Variants in SOD2 observed in about 807,000 individuals in gnomAD.
SOD2 encodes the protein superoxide dismutase 2.
A neutral mutation model predicts 27.0 loss-of-function variants in SOD2; 11 were observed. The observed-to-expected ratio is 0.41, with a 90% CI of 0.26 to 0.67. The LOEUF (loss-of-function observed/expected upper bound fraction) is 0.67. SOD2 is among the 30% of genes least tolerant of loss of function. SOD2 has a pLI of 0.34. For synonymous variants in SOD2, 105 were observed against 103.0 expected (o/e 1.02, Z -0.12); for missense variants, 250 against 274.5 (o/e 0.91, Z 0.63).
rs1562452316 is a variant in SOD2, at chr6:159,732,884, A to AGTGTGTGTG, written c.-116+12245_-116+12246insCACACACAC. ...TCTCTCTCTCTCTCTGTATATATAT[A>AGTGTGTGTG]TAGTGTGTGTGTGTGTGTGTGTGTG... is the stretch of plus-strand genomic sequence containing the variant. On this transcript the variant is annotated intron_variant, in intron 1 of 3. Coordinates refer to the SOD2 transcript ENST00000537657. Among the ~76,000 whole-genome samples the AGTGTGTGTG allele has an allele frequency of 3.6e-5, 3 of 83,486 alleles. No homozygotes were observed. The East Asian group carries it at 1.1e-3, about 29-fold the overall frequency. 54.8% of individuals were successfully genotyped at this position (83,486 alleles called of 152,430 possible).
chr6:159,696,070 T>A (rs1213815095), upstream of SOD2, among the ~76,000 whole-genome samples: 2 of 152,210 alleles, frequency 1.3e-5, no homozygotes, highest in Admixed American at 1.3e-4. Flanking sequence ...ATTAACTGCA[T>A]TCATATTCCA....
At chr6:159,710,266 A>AATAC (rs1315453476) in intron 1 of SOD2, among the ~76,000 whole-genome samples, 2 of 71,862 alleles carry the variant, frequency 2.8e-5, no homozygotes, top group East Asian at 2.7e-4. Flanking sequence ...TTAAAGTATA[A>AATAC]ATACATATAT....
At chr6:159,726,395 T>C (rs1462845975) in intron 1 of SOD2, 1 of 162,148 alleles carries the variant, frequency 6.2e-6, no homozygotes, top group Non-Finnish European at 1.4e-5. Flanking sequence ...GGAAATATAC[T>C]ACGACCATCT....
At position 159,685,038 on chromosome 6, in the gene SOD2, TAA is replaced by T. The variant is rs374399885; in HGVS notation, c.344-7_344-6del. 2.1e-6 allele frequency: 3 copies of T among 1,403,818 alleles called. No homozygotes were observed. Among genetic ancestry groups the T allele is most frequent in the Admixed American group, 2.2e-5 (1 of 45,192 alleles). 87.0% of individuals were successfully genotyped at this position (1,403,818 alleles called of 1,614,324 possible). On this transcript the variant is annotated splice_polypyrimidine_tract_variant and splice_region_variant and intron_variant, in intron 3 of 4. Transcript: ENST00000538183. The stretch of plus-strand genomic sequence containing the variant: ...TGATGGCTTCCAGCAACTCCCCTAT[TAA>T]AAAAAAAATCCAAAACCACCCACAA...
intron 1 of SOD2, among the ~76,000 whole-genome samples, chr6:159,710,888 C>G (rs62437319): frequency 7.6e-6 from 1 of 131,842 alleles, no homozygotes; most frequent in Non-Finnish European, 1.7e-5. Flanking sequence ...CCTCCATAAC[C>G]GCCTCGACAA....
At chr6:159,753,626 G>C (rs751801387) in intron 1 of SOD2, 45 of 1,589,938 alleles carry the variant, frequency 2.8e-5, no homozygotes, top group Non-Finnish European at 3.7e-5. Flanking sequence ...TAAGGGGTTT[G>C]TTTCTTTTTG....
rs1471841608 is a variant in SOD2, at chr6:159,675,551, A to C, written c.*6942T>G. The C allele has an allele frequency of 6.6e-6, 1 of 152,224 alleles. No individual in the cohort carries two copies. The highest frequency in any genetic ancestry group is 1.9e-4 in the East Asian group (1 of 5,202). The allele number at this position is 152,224 out of a possible 1,614,324, so 9.4% of individuals were successfully genotyped here. A position where few individuals can be genotyped will look rare whatever the true frequency, so the allele number is the denominator to read the frequency against. On this transcript the variant is annotated 3_prime_UTR_variant, in exon 5 of 5. Coordinates refer to ENST00000538183, the MANE Select transcript of SOD2 (RefSeq NM_000636.4). ...GGGAAAACTGGCTAGCCACATGTAG[A>C]AAGCTGAAACTGGATCCCTTCCTTA...
upstream of SOD2, chr6:159,727,589 G>T (rs1583055464): frequency 4.1e-6 from 4 of 986,932 alleles, no homozygotes; most frequent in East Asian, 1.1e-4. Flanking sequence ...GCGCGGCGGG[G>T]CCGGCGGCAG....
chr6:159,740,387 T>G (rs540762232), intron 1 of SOD2, among the ~76,000 whole-genome samples: 1 of 152,356 alleles, frequency 6.6e-6, no homozygotes, highest in South Asian at 2.1e-4. Flanking sequence ...CATGTAAGAC[T>G]TTTAGGCGAG....
intron 1 of SOD2, among the ~76,000 whole-genome samples, chr6:159,724,970 A>G (rs1460351176): frequency 6.6e-6 from 1 of 152,020 alleles, no homozygotes; most frequent in Non-Finnish European, 1.5e-5. Context: ...GAAAAGAAAA[A>G]GAAAGGAAAG....
chr6:159,736,401 T>G, intron 1 of SOD2: 1 of 908,700 alleles, frequency 1.1e-6, no homozygotes, highest in South Asian at 1.5e-5. Flanking sequence ...GTTGTTTGCT[T>G]ATTTTTCATT....
intron 1 of SOD2, among the ~76,000 whole-genome samples, chr6:159,734,113 T>C (rs1168610755): frequency 3.9e-5 from 6 of 152,320 alleles, no homozygotes; most frequent in Admixed American, 3.9e-4. Context: ...GTTGGAAGAT[T>C]ATCTCCTTTT....
At chr6:159,750,178 G>C (rs1453831378), upstream of SOD2, among the ~76,000 whole-genome samples, 1 of 152,182 alleles carries the variant, frequency 6.6e-6, no homozygotes, top group East Asian at 1.9e-4. Context: ...TTATGTGCTT[G>C]CATTAAGGCT....
At chr6:159,732,038 G>T (rs376672566), upstream of SOD2, among the ~76,000 whole-genome samples, 2 of 152,098 alleles carry the variant, frequency 1.3e-5, no homozygotes, top group South Asian at 2.1e-4. Context: ...GATGATCCTT[G>T]CCAAAATCCT....
chr6:159,719,149 G>C (rs1395757589), intron 1 of SOD2, among the ~76,000 whole-genome samples: 1 of 152,034 alleles, frequency 6.6e-6, no homozygotes, highest in Non-Finnish European at 1.5e-5. Context: ...AGGTCATGAA[G>C]GTAGGGCCTT....
intron 1 of SOD2, chr6:159,713,864 A>G: frequency 9.4e-7 from 1 of 1,065,626 alleles, no homozygotes; most frequent in Non-Finnish European, 1.4e-6. Context: ...GATGAAACAA[A>G]TACCTGATGT....
At chr6:159,696,623 C>G (rs1277720718), upstream of SOD2, among the ~76,000 whole-genome samples, 1 of 152,112 alleles carries the variant, frequency 6.6e-6, no homozygotes, top group Non-Finnish European at 1.5e-5. Flanking sequence ...CCTGGCCCCA[C>G]TATCTCCATT....
At chr6:159,731,869 C>T (rs144756467), upstream of SOD2, among the ~76,000 whole-genome samples, 88 of 152,294 alleles carry the variant, frequency 5.8e-4, no homozygotes, top group East Asian at 0.016. Flanking sequence ...ATGTGTTTCT[C>T]AGTCCTTTTA....
At chr6:159,727,009 C>G (rs1281111231) in intron 1 of SOD2, 1 of 1,248,766 alleles carries the variant, frequency 8.0e-7, no homozygotes, top group African/African-American at 1.6e-5. Context: ...TCCCTCCGCA[C>G]GAGGCAGCCC....
Sources: gnomAD v4.1 joint callset for allele counts (sites outside exome capture counted in the v4.1 genomes callset) on GRCh38, gnomAD v4.1.1 for gene constraint, MANE v1.5 for transcripts, NCBI Gene and HGNC (gene_info 2026-07-23, HGNC 2026-07-21) for gene names.